Variants in TMC5 observed in about 807,000 individuals in gnomAD.
TMC5 encodes transmembrane channel like 5, also known as transmembrane channel-like protein 5.
TMC5 carries 86 observed loss-of-function variants against 110.5 expected under a neutral mutation model. The observed-to-expected ratio is 0.78, with a 90% confidence interval of 0.65 to 0.93. The LOEUF (loss-of-function observed/expected upper bound fraction) is 0.93. Among genes scored for constraint, TMC5 ranks in the 40% least tolerant of loss-of-function variants. The pLI is 0.00. For missense variants in TMC5, 1,144 were observed against 1,222.8 expected (o/e 0.94, Z 0.96); for synonymous variants, 455 against 439.5 (o/e 1.04, Z -0.44).
At chr16:19,421,172 T>A (rs1277617382) in intron 1 of TMC5, among the ~76,000 whole-genome samples, 1 of 152,234 alleles carries the variant, frequency 6.6e-6, no homozygotes, top group Non-Finnish European at 1.5e-5. Flanking sequence ...TGATCCTGTC[T>A]GTTTTGAACA....
intron 1 of TMC5, among the ~76,000 whole-genome samples, chr16:19,429,422 G>A (rs138453488): frequency 4.9e-4 from 74 of 152,288 alleles, no homozygotes; most frequent in African/African-American, 1.7e-3. Context: ...AGGAGTTCCT[G>A]GCATTTATTT....
intron 10 of TMC5, 113 bp downstream of exon 10, chr16:19,469,938 A>G (rs1968289796): frequency 8.2e-7 from 1 of 1,223,568 alleles, no homozygotes; most frequent in Non-Finnish European, 1.1e-6. Flanking sequence ...TCTGTCGCCC[A>G]GGCTGGAGTG....
At chr16:19,416,019 A>C (rs1177979307), upstream of TMC5, among the ~76,000 whole-genome samples, 1 of 152,150 alleles carries the variant, frequency 6.6e-6, no homozygotes, top group African/African-American at 2.4e-5. Context: ...CATATCTATA[A>C]AAATTTAAAA....
chr16:19,422,023 G>A (rs1027076800), intron 1 of TMC5, among the ~76,000 whole-genome samples: 7 of 151,916 alleles, frequency 4.6e-5, no homozygotes, highest in African/African-American at 9.7e-5. Context: ...GAGGTCAGGA[G>A]ATCAAGACCA....
intron 14 of TMC5, among the ~76,000 whole-genome samples, chr16:19,479,984 G>GAAAA (rs1968578512): frequency 6.7e-6 from 1 of 150,104 alleles, no homozygotes; most frequent in African/African-American, 2.4e-5. Context: ...AAGAAAAGAA[G>GAAAA]AAAAAAAGAA....
At chr16:19,471,174 G>A (rs987492644) in intron 10 of TMC5, among the ~76,000 whole-genome samples, 4 of 151,662 alleles carry the variant, frequency 2.6e-5, no homozygotes, top group South Asian at 2.1e-4. Context: ...CTGCAGTGTC[G>A]ACCTCCTGGG....
At chr16:19,416,148 G>T (rs554412466), upstream of TMC5, among the ~76,000 whole-genome samples, 1 of 150,692 alleles carries the variant, frequency 6.6e-6, no homozygotes, top group Non-Finnish European at 1.5e-5. Flanking sequence ...TTGCACCACT[G>T]CATTCCAGCC....
At chr16:19,470,319 G>C (rs1171103642) in intron 10 of TMC5, among the ~76,000 whole-genome samples, 1 of 152,034 alleles carries the variant, frequency 6.6e-6, no homozygotes, top group East Asian at 1.9e-4. Context: ...CTCCCAAGTA[G>C]CTGGGATTAC....
chr16:19,436,783 T>C (rs530787577), intron 2 of TMC5, among the ~76,000 whole-genome samples: 11 of 152,316 alleles, frequency 7.2e-5, no homozygotes, highest in Admixed American at 7.2e-4. Context: ...CATCAACATC[T>C]GGCTCCTCTT....
In TMC5 at chr16:19,486,952, A is replaced by G; in HGVS notation, c.2371A>G (p.Ile791Val). Residue 791 changes from isoleucine to valine, a missense_variant, in exon 16 of 22, where the codon ATC becomes GTC. Ile to Val is a conservative substitution (Grantham distance 29). Coordinates refer to ENST00000542583, the MANE Select transcript of TMC5 (RefSeq NM_001261841.2). ...ACCCTCTCTCCCTCACAGGATTGGC[A>G]TCTTCTTCTGCCCCCTGCTGCCCTT... ...IYAQTLVWIG[I>V]FFCPLLPFIQ... 4 of 1,613,894 alleles carry G rather than the reference A, an allele frequency of 2.5e-6. No homozygotes were observed. Among genetic ancestry groups the G allele is most frequent in the Non-Finnish European group, 2.5e-6 (3 of 1,179,984 alleles).
Position 19,469,577 on chromosome 16 carries a change from C to A in TMC5, c.1638-104C>A, listed in dbSNP as rs144065328. On this transcript the variant is annotated intron_variant, in intron 9 of 21. Coordinates refer to ENST00000542583, the MANE Select transcript of TMC5 (RefSeq NM_001261841.2). ...CCAACAGCTTGGGGCTAAGTCTTCA[C>A]GTTGCCTTTCACCATTAATAATAGG... 65 of 1,408,808 alleles carry A rather than the reference C, an allele frequency of 4.6e-5. 1 individual carries two copies. In the East Asian group the frequency reaches 1.2e-3, roughly 26 times the overall value. The allele number at this position is 1,408,808 out of a possible 1,614,324, so 87.3% of individuals were successfully genotyped here. A position where few individuals can be genotyped will look rare whatever the true frequency, so the allele number is the denominator to read the frequency against.
Position 19,440,751 on chromosome 16 carries a change from G to C in TMC5, c.713G>C (p.Trp238Ser). 6.2e-7 allele frequency: 1 copy of C among 1,614,132 alleles called. No individual in the cohort carries two copies. ...AEDNQNLPST[W>S]REPDYSDAEN... ...GACAATCAGAACTTGCCAAGCACTTGGAGAGAACCTGATTATTCAGATGCT... is the reference window on the plus strand; with the variant it reads ...GACAATCAGAACTTGCCAAGCACTTCGAGAGAACCTGATTATTCAGATGCT... Residue 238 changes from tryptophan to serine, a missense_variant, in exon 3 of 22, where the codon TGG (tryptophan) becomes TCG (serine). By Grantham distance (177) the Trp-to-Ser change is radical. Transcript: ENST00000542583.
At chr16:19,464,105 CA>C in intron 8 of TMC5, 81 bp downstream of exon 8, 1 of 1,494,060 alleles carries the variant, frequency 6.7e-7, no homozygotes, top group Non-Finnish European at 9.1e-7. Flanking sequence ...CACCCACTCA[CA>C]CCTCTCATTT....
In TMC5 at chr16:19,477,124, T is replaced by G. The variant is rs1233640546; in HGVS notation, c.2091-316T>G. ...TTAGCCAGGTGTGGTGGCGGGCGCCTGTAGTCCCAGCTACTCGGGAAGCTG... is the reference window on the plus strand; with the variant it reads ...TTAGCCAGGTGTGGTGGCGGGCGCCGGTAGTCCCAGCTACTCGGGAAGCTG... On this transcript the variant is annotated intron_variant, in intron 12 of 21. Coordinates refer to ENST00000542583, the MANE Select transcript of TMC5 (RefSeq NM_001261841.2). 5.0e-5 allele frequency: 12 copies of G among 239,068 alleles called. No individual in the cohort carries two copies. In the Admixed American group the frequency reaches 6.4e-4, roughly 13 times the overall value. 14.8% of individuals were successfully genotyped at this position (239,068 alleles called of 1,614,324 possible). A position where few individuals can be genotyped will look rare whatever the true frequency, so the allele number is the denominator to read the frequency against.
chr16:19,431,986 C>T (rs1031823317), intron 2 of TMC5, among the ~76,000 whole-genome samples: 4 of 152,134 alleles, frequency 2.6e-5, no homozygotes, highest in Admixed American at 2.6e-4. Flanking sequence ...CCTGACAATC[C>T]TTAGCAATTC....
intron 2 of TMC5, among the ~76,000 whole-genome samples, chr16:19,435,228 A>G (rs1316506575): frequency 6.6e-6 from 1 of 151,946 alleles, no homozygotes; most frequent in African/African-American, 2.4e-5. Flanking sequence ...GCAGTGGCTC[A>G]CACCTGTAAT....
chr16:19,421,909 AAC>A (rs907520242), intron 1 of TMC5, among the ~76,000 whole-genome samples: 4 of 151,576 alleles, frequency 2.6e-5, no homozygotes, highest in Admixed American at 6.6e-5. Context: ...TGGCCTGGAT[AAC>A]AGAGTGAGAC....
chr16:19,413,522 TC>T (rs1966862697), upstream of TMC5, among the ~76,000 whole-genome samples: 1 of 34,332 alleles, frequency 2.9e-5, no homozygotes, highest in African/African-American at 1.5e-4. Context: ...AAACCCTGCC[TC>T]AAAAAAAAAA....
chr16:19,477,563 T>G (rs1968519698), intron 13 of TMC5, 45 bp downstream of exon 13: 1 of 1,374,914 alleles, frequency 7.3e-7, no homozygotes, highest in African/African-American at 1.4e-5. Context: ...TTCTTAGCAT[T>G]TGACCAACAG....
Sources: gnomAD v4.1 joint callset for allele counts (sites outside exome capture counted in the v4.1 genomes callset) on GRCh38, gnomAD v4.1.1 for gene constraint, MANE v1.5 for transcripts, NCBI Gene and HGNC (gene_info 2026-07-23, HGNC 2026-07-21) for gene names.